The following PIGT variants were observed in gnomAD, a reference collection of about 807,000 sequenced individuals.
PIGT encodes the protein GPI-anchor transamidase component PIGT.
PIGT carries 57 observed loss-of-function variants against 66.7 expected under a neutral mutation model. The ratio of observed to expected loss-of-function variants is 0.86; its 90% CI spans 0.69 to 1.07. The LOEUF (loss-of-function observed/expected upper bound fraction) is 1.07. PIGT is among the 50% of genes least tolerant of loss of function. The probability of loss-of-function intolerance (pLI) is 0.00; values close to 1 mark genes in which losing one functional copy is unlikely to be tolerated. For synonymous variants in PIGT, 362 were observed against 320.5 expected (o/e 1.13, Z -1.38); for missense variants, 725 against 740.4 (o/e 0.98, Z 0.24).
In PIGT at chr20:45,416,274, C is replaced by T; in HGVS notation, c.118C>T (p.Pro40Ser). The stretch of plus-strand genomic sequence containing the variant: ...GGAGGAACTTGTCATCACCCCGCTG[C>T]CTTCCGGGGACGTAGCCGCCACATT... Reference protein sequence around the residue: ...LREELVITPLPSGDVAATFQF... With the variant: ...LREELVITPLSSGDVAATFQF... The change falls in exon 1 of 12, where the codon CCT (proline) becomes TCT (serine). Residue 40 changes from proline (P) to serine (S), a missense_variant. By Grantham distance (74) the Pro-to-Ser change is moderately conservative. Around this residue, in one of 3 missense-constraint regions of PIGT, gnomAD observed 559 missense variants for 552.7 expected, o/e 1.01. Coordinates refer to ENST00000279036, the MANE Select transcript of PIGT (RefSeq NM_015937.6). 6.3e-7 allele frequency: 1 copy of T among 1,596,138 alleles called. No homozygotes were observed. The highest frequency in any genetic ancestry group is 8.5e-7 in the Non-Finnish European group (1 of 1,171,568).
At position 45,419,182 on chromosome 20, in the gene PIGT, CTG is replaced by C. The variant is rs1056140703; in HGVS notation, c.494-110_494-109del. Reference sequence around the variant, plus strand: ...CTACTCCCAGTTGGGACTGTCCAGACTGTGGTGCTAGAGGTGGTGTGGGGAGC... The same window carrying C: ...CTACTCCCAGTTGGGACTGTCCAGACTGGTGCTAGAGGTGGTGTGGGGAGC... On this transcript the variant is annotated intron_variant, in intron 3 of 11. Coordinates refer to ENST00000279036, the MANE Select transcript of PIGT (RefSeq NM_015937.6). 14 of 1,090,224 alleles carry C rather than the reference CTG, an allele frequency of 1.3e-5. No homozygotes were observed. In the African/African-American group the frequency reaches 1.8e-4, roughly 14 times the overall value. 67.5% of individuals were successfully genotyped at this position (1,090,224 alleles called of 1,614,324 possible). A position where few individuals can be genotyped will look rare whatever the true frequency, so the allele number is the denominator to read the frequency against.
Position 45,416,561 on chromosome 20 carries a change from T to TC in PIGT, c.234dup (p.Lys79GlnfsTer44). ...TCCCAAAGCCCTGGGGCAGCTGATC[T>TC]CCAAGTATTCTCTACGGGAGCTGCA... On this transcript the variant is annotated frameshift_variant, in exon 2 of 12. Coordinates refer to ENST00000279036, the MANE Select transcript of PIGT (RefSeq NM_015937.6). LOFTEE classifies it high-confidence loss of function. 1 of 1,614,170 alleles carries TC rather than the reference T, an allele frequency of 6.2e-7. No individual in the cohort carries two copies. The highest frequency in any genetic ancestry group is 8.5e-7 in the Non-Finnish European group (1 of 1,180,020).
intron 3 of PIGT, 75 bp downstream of exon 3, chr20:45,419,054 T>C: frequency 6.3e-7 from 1 of 1,580,646 alleles, no homozygotes; most frequent in Non-Finnish European, 8.7e-7. Context: ...TTCCCTCAGT[T>C]TCCTGCTTCC....
intron 9 of PIGT, chr20:45,423,056 T>C (rs13433119): frequency 5.9e-5 from 1 of 16,900 alleles, no homozygotes. Flanking sequence ...ACAAAAAAAA[T>C]TTTTTTTTTT....
At chr20:45,419,733 C>A in intron 5 of PIGT, 143 bp downstream of exon 5, 1 of 679,646 alleles carries the variant, frequency 1.5e-6, no homozygotes, top group Non-Finnish European at 2.6e-6. Flanking sequence ...GGCCAAGCAC[C>A]AAGAAAACAG....
Position 45,425,949 on chromosome 20 carries a change from G to C in PIGT, c.*123G>C, listed in dbSNP as rs1026488482. On this transcript the variant is annotated 3_prime_UTR_variant, in exon 12 of 12. Coordinates refer to ENST00000279036, the MANE Select transcript of PIGT (RefSeq NM_015937.6). ...AACCAAAGTGCCCTGGACCAGGTCAGGGCCTACAGCTGTGTTGTCCAGTAC... is the reference window on the plus strand; with the variant it reads ...AACCAAAGTGCCCTGGACCAGGTCACGGCCTACAGCTGTGTTGTCCAGTAC... 3 of 1,094,710 alleles carry C rather than the reference G, an allele frequency of 2.7e-6. No homozygotes were observed. Among genetic ancestry groups the C allele is most frequent in the Admixed American group, 2.7e-5 (1 of 37,412 alleles). The allele number at this position is 1,094,710 out of a possible 1,614,324, so 67.8% of individuals were successfully genotyped here. A position where few individuals can be genotyped will look rare whatever the true frequency, so the allele number is the denominator to read the frequency against.
Position 45,421,455 on chromosome 20 carries a change from GCA to G in PIGT, c.1110_1111del (p.Leu371AlafsTer76), listed in dbSNP as rs1170639952. On this transcript the variant is annotated frameshift_variant, in exon 9 of 12. Coordinates refer to ENST00000279036, the MANE Select transcript of PIGT (RefSeq NM_015937.6). LOFTEE classifies it high-confidence loss of function. ...TATGGGCTGCAGAAGGGGGAGCTGAGCACACTGCTGTACAACACCCACCCATA... is the reference window on the plus strand; with the variant it reads ...TATGGGCTGCAGAAGGGGGAGCTGAGCACTGCTGTACAACACCCACCCATA... The G allele has an allele frequency of 1.2e-6, 2 of 1,614,176 alleles. No homozygotes were observed. The highest frequency in any genetic ancestry group is 1.1e-5 in the South Asian group (1 of 91,090).
intron 8 of PIGT, chr20:45,421,058 G>A: frequency 2.0e-6 from 1 of 511,540 alleles, no homozygotes; most frequent in Non-Finnish European, 3.5e-6. Flanking sequence ...CTACTAGCTA[G>A]GGCAGGTGTC....
rs1387926636 is a variant in PIGT, at chr20:45,420,449, C to T, written c.867+20C>T. ...AACCAGGTAACAAGGTCTCCAGCCA[C>T]ACACACAAACACACCGCTGGTCCCC... On this transcript the variant is annotated intron_variant, in intron 7 of 11. Coordinates refer to ENST00000279036, the MANE Select transcript of PIGT (RefSeq NM_015937.6). The T allele has an allele frequency of 1.2e-6, 2 of 1,610,128 alleles. No individual in the cohort carries two copies. Among genetic ancestry groups the T allele is most frequent in the South Asian group, 1.1e-5 (1 of 90,930 alleles).
intron 8 of PIGT, 67 bp from the exon 9 acceptor site, chr20:45,421,316 G>T (rs1465101940): frequency 2.2e-6 from 3 of 1,385,378 alleles, no homozygotes; most frequent in Admixed American, 2.0e-5. Context: ...AACATGGCCT[G>T]GGCAGGTGGG....
rs1235057193 is a variant in PIGT, at chr20:45,420,550, A to C, written c.890A>C (p.His297Pro). ...YNQDNETLEV[H>P]PPPTTTYQDV... ...CAGGACAACGAGACATTAGAGGTGC[A>C]CCCACCCCCGACCACTACATATCAG... The change falls in exon 8 of 12, where the codon CAC (histidine) becomes CCC (proline). Residue 297 changes from histidine to proline, a missense_variant. Physicochemically the swap from His to Pro is moderately conservative, Grantham distance 77 (BLOSUM62 -2). This residue lies in a region of PIGT where 559 missense variants were observed against 552.7 expected (regional missense o/e 1.01). Transcript: ENST00000279036. The C allele has an allele frequency of 1.2e-6, 2 of 1,613,580 alleles. No homozygotes were observed. Among genetic ancestry groups the C allele is most frequent in the Non-Finnish European group, 8.5e-7 (1 of 1,179,954 alleles).
chr20:45,420,080 G>C (rs1227931330), intron 5 of PIGT, 56 bp from the exon 6 acceptor site: 1 of 1,251,080 alleles, frequency 8.0e-7, no homozygotes, highest in African/African-American at 1.5e-5. Flanking sequence ...GTCTTTTTGG[G>C]GGCTGTGTGG....
intron 11 of PIGT, 78 bp downstream of exon 11, chr20:45,424,657 G>C: frequency 9.7e-7 from 1 of 1,026,388 alleles, no homozygotes; most frequent in South Asian, 1.3e-5. Flanking sequence ...GGCTCCTGCA[G>C]GGGAGTTCAG....
At chr20:45,420,823 G>C (rs578142628) in intron 8 of PIGT, 130 bp downstream of exon 8, 1 of 915,090 alleles carries the variant, frequency 1.1e-6, no homozygotes, top group Admixed American at 2.2e-5. Context: ...GCTGCTGACT[G>C]TAGCTATTCC....
Position 45,419,360 on chromosome 20 carries a change from A to G in PIGT, c.559A>G (p.Thr187Ala), listed in dbSNP as rs763844789. ...GGAGGTGGTCTGCACCGAAAACCTCACCCCCTGGAAGAAGCTCTTGCCCTG... is the reference window on the plus strand; with the variant it reads ...GGAGGTGGTCTGCACCGAAAACCTCGCCCCCTGGAAGAAGCTCTTGCCCTG... ...PREVVCTENL[T>A]PWKKLLPCSS... The change falls in exon 4 of 12, where the codon ACC (threonine) becomes GCC (alanine). Residue 187 changes from threonine to alanine, a missense_variant. Thr to Ala is a moderately conservative substitution (Grantham distance 58). Coordinates refer to ENST00000279036, the MANE Select transcript of PIGT (RefSeq NM_015937.6). The G allele has an allele frequency of 2.5e-6, 4 of 1,613,668 alleles. No homozygotes were observed. The South Asian group carries it at 4.4e-5, about 18-fold the overall frequency.
chr20:45,419,705 A>G, intron 5 of PIGT, 115 bp downstream of exon 5: 1 of 779,040 alleles, frequency 1.3e-6, no homozygotes, highest in Non-Finnish European at 2.3e-6. Context: ...AGATGTGATG[A>G]CGGTTATTCA....
chr20:45,421,479 C>T lies in PIGT; in HGVS notation c.1130C>T (p.Pro377Leu), dbSNP rs201636600. 325 of 1,614,160 alleles carry T rather than the reference C, an allele frequency of 2.0e-4. No individual in the cohort carries two copies. Among genetic ancestry groups the T allele is most frequent in the Non-Finnish European group, 2.6e-4 (301 of 1,179,992 alleles). Residue 377 changes from proline to leucine, a missense_variant, in exon 9 of 12, where the codon CCA becomes CTA. Pro to Leu is a moderately conservative substitution (Grantham distance 98). This residue lies in a region of PIGT where 559 missense variants were observed against 552.7 expected (regional missense o/e 1.01). Coordinates refer to ENST00000279036, the MANE Select transcript of PIGT (RefSeq NM_015937.6). ...AGCACACTGCTGTACAACACCCACC[C>T]ATACCGGGCCTTCCCGGTGCTGCTG... The part of the protein sequence containing the change: ...ELSTLLYNTH[P>L]YRAFPVLLLD...
At chr20:45,421,155 G>A (rs941571493) in intron 8 of PIGT, 18 of 573,256 alleles carry the variant, frequency 3.1e-5, no homozygotes, top group Middle Eastern at 4.6e-4. Flanking sequence ...TTCGAAGGGG[G>A]CACGGTGTTC....
intron 9 of PIGT, chr20:45,423,650 T>C (rs1050214657): frequency 3.9e-5 from 6 of 152,502 alleles, no homozygotes; most frequent in African/African-American, 1.5e-4. Flanking sequence ...ATAAATGTCT[T>C]GTCTTTGGTG....
Sources: gnomAD v4.1 joint callset for allele counts on GRCh38, gnomAD v4.1.1 for gene constraint, gnomAD v4.1.1 regional missense constraint, MANE v1.5 for transcripts, NCBI Gene and HGNC (gene_info 2026-07-23, HGNC 2026-07-21) for gene names.